DDX42: variants seen among roughly 807,000 people sequenced by gnomAD.
The protein encoded by DDX42 is ATP-dependent RNA helicase DDX42.
Under a neutral mutation model 101.5 loss-of-function variants are expected in DDX42, and 22 were observed. The observed-to-expected ratio is 0.22, with a 90% CI of 0.15 to 0.31. DDX42 has a LOEUF of 0.31. DDX42 is among the 10% of genes least tolerant of loss of function. The pLI is 1.00. For synonymous variants in DDX42, 402 were observed against 401.2 expected, an observed-to-expected ratio of 1.00 and a Z score of -0.02; for missense variants, 849 against 1,199.9, an observed-to-expected ratio of 0.71 and a Z score of 4.32.
chr17:63,807,652 T>G, intron 8 of DDX42, 72 bp from the exon 9 acceptor site: 1 of 1,395,180 alleles, frequency 7.2e-7, no homozygotes, highest in Non-Finnish European at 9.9e-7. Flanking sequence ...TCATTTATCA[T>G]TCCCCAGGAT....
chr17:63,814,750 C>T (rs1396332254), intron 15 of DDX42, among the ~76,000 whole-genome samples: 1 of 134,950 alleles, frequency 7.4e-6, no homozygotes, highest in Non-Finnish European at 1.5e-5. Flanking sequence ...AGTGCAGTGG[C>T]GCAGTCTCAG....
rs749249431 is a variant in DDX42, at chr17:63,818,416, G to A, written c.*18G>A. On this transcript the variant is annotated 3_prime_UTR_variant, in exon 18 of 18. Transcript: ENST00000389924. The stretch of plus-strand genomic sequence containing the variant: ...ACAGTTAGAGGGGATGTGCTAAAGC[G>A]TGAAATCAGTTGTCCTTAATTTTTA... 40 of 1,599,448 alleles carry A rather than the reference G, an allele frequency of 2.5e-5. No homozygotes were observed. The East Asian group carries it at 4.0e-4, about 16-fold the overall frequency.
chr17:63,813,159 CA>C, intron 14 of DDX42, 68 bp from the exon 15 acceptor site: 1 of 1,418,276 alleles, frequency 7.1e-7, no homozygotes, highest in East Asian at 2.3e-5. Flanking sequence ...TTAGCACTAG[CA>C]TTTCTGGTTA....
At chr17:63,816,789 T>G (rs1457713578) in intron 16 of DDX42, 79 bp from the exon 17 acceptor site, 2 of 1,114,456 alleles carry the variant, frequency 1.8e-6, no homozygotes, top group Non-Finnish European at 2.5e-6. Context: ...CTTCAAGGGT[T>G]TTCATAATGA....
At chr17:63,817,466 A>C in intron 17 of DDX42, 1 of 506,962 alleles carries the variant, frequency 2.0e-6, no homozygotes, top group Non-Finnish European at 3.5e-6. Flanking sequence ...CAATCAGGCT[A>C]TAAAAGTACA....
chr17:63,781,748 C>T (rs1294979544), intron 1 of DDX42, among the ~76,000 whole-genome samples: 1 of 151,892 alleles, frequency 6.6e-6, no homozygotes, highest in East Asian at 2.0e-4. Flanking sequence ...TGGTGGCTCA[C>T]GCCTGTAATC....
At position 63,818,857 on chromosome 17, in the gene DDX42, A is replaced by G. The variant is rs1295394530; in HGVS notation, c.*459A>G. The G allele has an allele frequency of 6.3e-6, 1 of 159,374 alleles. No homozygotes were observed. The highest frequency in any genetic ancestry group is 1.4e-5 in the Non-Finnish European group (1 of 71,556). The allele number at this position is 159,374 out of a possible 1,614,324, so 9.9% of individuals were successfully genotyped here. On this transcript the variant is annotated 3_prime_UTR_variant, in exon 18 of 18. Transcript: ENST00000389924. Reference sequence around the variant, plus strand: ...CCATTGAGCTAACTGTTGGGGAGCAATTTGGTAGTTGTAGACATTTGCAGG... The same window carrying G: ...CCATTGAGCTAACTGTTGGGGAGCAGTTTGGTAGTTGTAGACATTTGCAGG...
At chr17:63,803,435 G>A (rs905226596) in intron 6 of DDX42, among the ~76,000 whole-genome samples, 1 of 151,462 alleles carries the variant, frequency 6.6e-6, no homozygotes, top group Admixed American at 6.6e-5. Flanking sequence ...GGGATTGGTG[G>A]CAGGCATCAG....
At chr17:63,789,644 G>T (rs2039601505) in intron 2 of DDX42, among the ~76,000 whole-genome samples, 1 of 141,762 alleles carries the variant, frequency 7.1e-6, no homozygotes, top group South Asian at 2.3e-4. Flanking sequence ...CGTGATCTAG[G>T]CTCACAGCAA....
intron 5 of DDX42, 45 bp from the exon 6 acceptor site, chr17:63,800,423 C>T (rs1218322945): frequency 1.9e-6 from 3 of 1,586,998 alleles, no homozygotes; most frequent in African/African-American, 1.3e-5. Flanking sequence ...CAGAAACATT[C>T]TCAATTGTAC....
upstream of DDX42, chr17:63,773,883 T>A: frequency 6.4e-6 from 1 of 156,398 alleles, no homozygotes. Context: ...GCTCTAGTAG[T>A]ATATGCAACA....
At chr17:63,817,633 G>A (rs1321818681) in intron 17 of DDX42, 61 bp from the exon 18 acceptor site, 2 of 1,525,152 alleles carry the variant, frequency 1.3e-6, no homozygotes, top group Non-Finnish European at 1.8e-6. Flanking sequence ...TTGCCAAGTT[G>A]TATATTCAAG....
rs2039643048 is a variant in DDX42, at chr17:63,792,681, A to G, written c.372+119A>G. ...GTCTTATTATTTTTTTTTTTTTGAG[A>G]ATTTTGCTCCAGTAGTCTATAGTTG... is the stretch of plus-strand genomic sequence containing the variant. On this transcript the variant is annotated intron_variant, in intron 3 of 17. Transcript: ENST00000389924. The G allele has an allele frequency of 3.5e-6, 4 of 1,129,548 alleles. No individual in the cohort carries two copies. In the African/African-American group the frequency reaches 4.8e-5, roughly 14 times the overall value. The allele number at this position is 1,129,548 out of a possible 1,614,324, so 70.0% of individuals were successfully genotyped here. A position where few individuals can be genotyped will look rare whatever the true frequency, so the allele number is the denominator to read the frequency against.
chr17:63,812,227 A>G lies in DDX42; in HGVS notation c.1675+19A>G. On this transcript the variant is annotated intron_variant, in intron 14 of 17. Transcript: ENST00000389924. ...GTTGCAGGTAGAGTATGAATTTTTC[A>G]ACAACATTAAGTTCCTAGGCTATAA... The G allele has an allele frequency of 6.2e-7, 1 of 1,604,732 alleles. No homozygotes were observed.
intron 6 of DDX42, among the ~76,000 whole-genome samples, chr17:63,802,357 T>G (rs566662738): frequency 6.6e-6 from 1 of 152,250 alleles, no homozygotes; most frequent in Non-Finnish European, 1.5e-5. Flanking sequence ...AAAGCACTTA[T>G]GTGTTTGAGT....
chr17:63,812,096 G>C lies in DDX42; in HGVS notation c.1563G>C (p.Glu521Asp), dbSNP rs778384923. Residue 521 changes from glutamate to aspartate, a missense_variant, in exon 14 of 18, where the codon GAG (glutamate) becomes GAC (aspartate). Glu to Asp is a conservative substitution (Grantham distance 45, BLOSUM62 2). Transcript: ENST00000389924. ...AEELANNLKQ[E>D]GHNLGLLHGD... ...AGCTAGCGAATAACCTTAAACAGGA[G>C]GGTCATAATCTTGGGCTGCTCCATG... 1 of 1,614,242 alleles carries C rather than the reference G, an allele frequency of 6.2e-7. No homozygotes were observed. The highest frequency in any genetic ancestry group is 8.5e-7 in the Non-Finnish European group (1 of 1,180,042).
chr17:63,812,534 T>C (rs1323180899), intron 14 of DDX42, among the ~76,000 whole-genome samples: 1 of 152,232 alleles, frequency 6.6e-6, no homozygotes, highest in Non-Finnish European at 1.5e-5. Context: ...TATACACAGC[T>C]TAGTTGGGCA....
chr17:63,792,631 A>C lies in DDX42; in HGVS notation c.372+69A>C, dbSNP rs915369572. 25 of 1,455,656 alleles carry C rather than the reference A, an allele frequency of 1.7e-5. No individual in the cohort carries two copies. In the African/African-American group the frequency reaches 3.6e-4, roughly 21 times the overall value. The allele number at this position is 1,455,656 out of a possible 1,614,324, so 90.2% of individuals were successfully genotyped here. ...TAGATCAAGTTAACTTAGTACTTCA[A>C]ATCTTATTCAAAATTTGTTTTCTAG... is the stretch of plus-strand genomic sequence containing the variant. On this transcript the variant is annotated intron_variant, in intron 3 of 17. Transcript: ENST00000389924.
At position 63,793,856 on chromosome 17, in the gene DDX42, TTATA is replaced by T. The variant is rs138103837; in HGVS notation, c.372+1315_372+1318del. 2.8e-5 allele frequency among the ~76,000 whole-genome samples: 2 copies of T among 70,682 alleles called. 1 individual carries two copies. Among genetic ancestry groups the T allele is most frequent in the African/African-American group, 1.6e-4 (2 of 12,370 alleles). 46.4% of individuals were successfully genotyped at this position (70,682 alleles called of 152,430 possible). On this transcript the variant is annotated intron_variant, in intron 3 of 17. Transcript: ENST00000389924. ...AATGGTGGGAAATAGGCAGAAAAAT[TTATA>T]TATATATATATATATATATAATTTT...
Sources: gnomAD v4.1 joint callset for allele counts (sites outside exome capture counted in the v4.1 genomes callset) on GRCh38, gnomAD v4.1.1 for gene constraint, MANE v1.5 for transcripts, NCBI Gene and HGNC (gene_info 2026-07-23, HGNC 2026-07-21) for gene names.